Variants in UBE2E2 observed in about 807,000 individuals in gnomAD.
UBE2E2 encodes the protein ubiquitin-conjugating enzyme E2 E2.
Under a neutral mutation model 24.7 loss-of-function variants are expected in UBE2E2, and 6 were observed. The ratio of observed to expected loss-of-function variants is 0.24; its 90% CI spans 0.13 to 0.48. UBE2E2 has a LOEUF of 0.48. Among genes scored for constraint, UBE2E2 ranks in the 20% least tolerant of loss-of-function variants. The pLI is 0.99. For synonymous variants in UBE2E2, 104 were observed against 83.6 expected, an observed-to-expected ratio of 1.24 and a Z score of -1.33; for missense variants, 169 against 245.0, an observed-to-expected ratio of 0.69 and a Z score of 2.07.
intron 3 of UBE2E2, among the ~76,000 whole-genome samples, chr3:23,379,978 G>C (rs1286987572): frequency 6.6e-6 from 1 of 150,448 alleles, no homozygotes; most frequent in Non-Finnish European, 1.5e-5. Context: ...CTTTCTCCCA[G>C]ATACTGTCAC....
In UBE2E2 at chr3:23,230,613, C is replaced by T. The variant is rs554154495; in HGVS notation, c.227+13301C>T. Among the ~76,000 whole-genome samples, 710 of 151,908 alleles carry T rather than the reference C, an allele frequency of 4.7e-3. 6 individuals carry two copies. Among genetic ancestry groups the T allele is most frequent in the African/African-American group, 0.017 (685 of 41,372 alleles). On this transcript the variant is annotated intron_variant, in intron 3 of 5. Coordinates refer to ENST00000396703, the MANE Select transcript of UBE2E2 (RefSeq NM_152653.4). ...CAGCCTGACGAACATGGTGAAACCCCGTCTCTACTAAAAATACAAAAAATT... is the reference window on the plus strand; with the variant it reads ...CAGCCTGACGAACATGGTGAAACCCTGTCTCTACTAAAAATACAAAAAATT...
intron 3 of UBE2E2, among the ~76,000 whole-genome samples, chr3:23,376,204 T>C (rs1231091916): frequency 1.3e-5 from 2 of 152,200 alleles, no homozygotes; most frequent in African/African-American, 2.4e-5. Flanking sequence ...ACAGTATATA[T>C]TGGGATACTT....
intron 3 of UBE2E2, among the ~76,000 whole-genome samples, chr3:23,267,453 A>T (rs1379305275): frequency 6.6e-6 from 1 of 152,258 alleles, no homozygotes; most frequent in African/African-American, 2.4e-5. Context: ...TAAAAAATCT[A>T]GAAGAAATGG....
chr3:23,350,581 T>G (rs1193912415), intron 3 of UBE2E2, among the ~76,000 whole-genome samples: 1 of 152,044 alleles, frequency 6.6e-6, no homozygotes, highest in Non-Finnish European at 1.5e-5. Flanking sequence ...GGGAACTACG[T>G]GAAGAATACA....
At chr3:23,288,065 A>G (rs1185085298) in intron 3 of UBE2E2, among the ~76,000 whole-genome samples, 1 of 152,050 alleles carries the variant, frequency 6.6e-6, no homozygotes, top group Non-Finnish European at 1.5e-5. Context: ...ACTTGGAAGT[A>G]TAAGCATCTG....
intron 5 of UBE2E2, among the ~76,000 whole-genome samples, chr3:23,584,300 C>T (rs1182301029): frequency 1.3e-5 from 2 of 152,098 alleles, no homozygotes; most frequent in African/African-American, 4.8e-5. Flanking sequence ...TTGTATGCTG[C>T]TGGATTTGGT....
intron 3 of UBE2E2, among the ~76,000 whole-genome samples, chr3:23,304,696 C>G (rs1053788845): frequency 4.6e-5 from 7 of 152,102 alleles, no homozygotes; most frequent in African/African-American, 1.7e-4. Flanking sequence ...CAATAATACA[C>G]CAAAAGTTAA....
intron 4 of UBE2E2, among the ~76,000 whole-genome samples, chr3:23,521,798 C>T (rs1359873080): frequency 2.0e-5 from 3 of 151,882 alleles, no homozygotes; most frequent in African/African-American, 4.8e-5. Context: ...CCAATGTAGC[C>T]CAGGAAAGAC....
intron 5 of UBE2E2, among the ~76,000 whole-genome samples, chr3:23,571,070 T>C (rs1296459354): frequency 6.6e-6 from 1 of 151,850 alleles, no homozygotes; most frequent in Admixed American, 6.6e-5. Flanking sequence ...ACATAGACAA[T>C]AAAAAAGTAA....
At chr3:23,235,155 A>G (rs1473379127) in intron 3 of UBE2E2, among the ~76,000 whole-genome samples, 1 of 152,202 alleles carries the variant, frequency 6.6e-6, no homozygotes, top group African/African-American at 2.4e-5. Flanking sequence ...ACTTGTTTAA[A>G]AACAAAACAA....
At chr3:23,456,991 C>T (rs995336811) in intron 3 of UBE2E2, among the ~76,000 whole-genome samples, 2 of 152,102 alleles carry the variant, frequency 1.3e-5, no homozygotes, top group African/African-American at 4.8e-5. Context: ...TTACCATAAT[C>T]GAGGATTCAG....
At chr3:23,206,594 T>C (rs1696153799) in intron 1 of UBE2E2, among the ~76,000 whole-genome samples, 2 of 152,200 alleles carry the variant, frequency 1.3e-5, no homozygotes, top group African/African-American at 4.8e-5. Flanking sequence ...GGGGTGCTGG[T>C]GGTGGTGTGT....
intron 3 of UBE2E2, among the ~76,000 whole-genome samples, chr3:23,377,313 A>G (rs1394554449): frequency 6.6e-6 from 1 of 152,342 alleles, no homozygotes; most frequent in Middle Eastern, 3.4e-3. Flanking sequence ...TTCAGCCTGC[A>G]TCTAAAAGTG....
At chr3:23,577,500 T>C (rs541898976) in intron 5 of UBE2E2, among the ~76,000 whole-genome samples, 1 of 152,132 alleles carries the variant, frequency 6.6e-6, no homozygotes, top group South Asian at 2.1e-4. Flanking sequence ...AGAAAAAAAG[T>C]TGGAAGCTAG....
chr3:23,522,002 TTATC>T (rs2125475762), intron 4 of UBE2E2, among the ~76,000 whole-genome samples: 1 of 151,572 alleles, frequency 6.6e-6, no homozygotes, highest in African/African-American at 2.4e-5. Context: ...AGATACCAGG[TTATC>T]TTTATTTCCA....
chr3:23,577,394 C>G (rs375507719), intron 5 of UBE2E2, among the ~76,000 whole-genome samples: 3 of 151,282 alleles, frequency 2.0e-5, no homozygotes. Context: ...GATAGACAGT[C>G]AGACCAGCTA....
intron 3 of UBE2E2, among the ~76,000 whole-genome samples, chr3:23,450,150 G>A (rs1333305137): frequency 6.6e-6 from 1 of 152,130 alleles, no homozygotes; most frequent in Non-Finnish European, 1.5e-5. Context: ...TTTTTTGCAA[G>A]TTTAATAAAA....
chr3:23,343,115 A>G (rs1454641248), intron 3 of UBE2E2, among the ~76,000 whole-genome samples: 1 of 149,428 alleles, frequency 6.7e-6, no homozygotes, highest in Non-Finnish European at 1.5e-5. Context: ...TATATATGTG[A>G]ATGCATACAT....
At chr3:23,561,189 G>A (rs1158197921) in intron 5 of UBE2E2, among the ~76,000 whole-genome samples, 1 of 152,148 alleles carries the variant, frequency 6.6e-6, no homozygotes, top group Non-Finnish European at 1.5e-5. Context: ...TTCTTCTAGG[G>A]TTTTTATGGT....
Sources: allele counts gnomAD v4.1 joint callset (sites outside exome capture counted in the v4.1 genomes callset), GRCh38; gene constraint gnomAD v4.1.1; transcripts MANE v1.5; gene names NCBI Gene and HGNC (gene_info 2026-07-23, HGNC 2026-07-21).